Variants in SEMA7A observed in about 807,000 individuals in gnomAD.
The protein encoded by SEMA7A is semaphorin 7A (JohnMiltonHagen blood group).
In SEMA7A, 21 loss-of-function variants were observed where a neutral mutation model predicts 67.5. The ratio of observed to expected loss-of-function variants is 0.31; its 90% CI spans 0.22 to 0.45. The LOEUF (loss-of-function observed/expected upper bound fraction) is 0.45, where lower values mean the gene tolerates loss of function less well. Ranked by LOEUF, SEMA7A falls within the 20% of genes least tolerant of loss-of-function variation. SEMA7A has a pLI of 1.00. For synonymous variants in SEMA7A, 364 were observed against 368.5 expected (o/e 0.99, Z 0.14); for missense variants, 774 against 908.6 (o/e 0.85, Z 1.90).
Position 74,414,566 on chromosome 15 carries a change from A to C in SEMA7A, c.1275T>G (p.His425Gln), listed in dbSNP as rs756177714. Residue 425 changes from histidine to glutamine, a missense_variant, in exon 10 of 14, where the codon CAT becomes CAG. Transcript: ENST00000261918. The surrounding 1 kb of genome is among the most constrained non-coding windows in gnomAD (Gnocchi z 4.1). ...TCTCACCTGTAGTTAGGTAAAGCAC[A>C]TGAAAGGTCTCCCCGTGGCTGGCTT... ...RMQASHGETF[H>Q]VLYLTTDRGT... The C allele has an allele frequency of 6.2e-7, 1 of 1,614,120 alleles. No individual in the cohort carries two copies.
At chr15:74,412,246 C>T (rs971450422) in intron 10 of SEMA7A, among the ~76,000 whole-genome samples, 9 of 152,190 alleles carry the variant, frequency 5.9e-5, no homozygotes, top group African/African-American at 1.7e-4. Flanking sequence ...TCCCTGGATA[C>T]GGCCTCCAAC....
chr15:74,419,179 G>A (rs1045323762), intron 1 of SEMA7A, among the ~76,000 whole-genome samples: 11 of 152,178 alleles, frequency 7.2e-5, no homozygotes, highest in Admixed American at 1.3e-4. Flanking sequence ...CCCACAGCAC[G>A]GCCCCTCCCC....
At chr15:74,418,473 A>G (rs1354113617) in intron 2 of SEMA7A, among the ~76,000 whole-genome samples, 164 bp from the exon 3 acceptor site, 1 of 152,208 alleles carries the variant, frequency 6.6e-6, no homozygotes, top group Non-Finnish European at 1.5e-5. Flanking sequence ...CCTGAGGTCA[A>G]ACAGGGTCTC....
At chr15:74,421,740 T>C (rs1020801234) in intron 1 of SEMA7A, among the ~76,000 whole-genome samples, 1 of 152,104 alleles carries the variant, frequency 6.6e-6, no homozygotes, top group Non-Finnish European at 1.5e-5. Context: ...GAAGCTTTGT[T>C]CAGGTTGGCA....
intron 7 of SEMA7A, 30 bp downstream of exon 7, chr15:74,416,545 G>A (rs375784064): frequency 2.6e-5 from 42 of 1,609,142 alleles, no homozygotes; most frequent in African/African-American, 1.2e-4. Flanking sequence ...GCACAGACAC[G>A]TAGCCAGCAG....
intron 1 of SEMA7A, among the ~76,000 whole-genome samples, chr15:74,426,136 A>G (rs921437115): frequency 1.3e-5 from 2 of 152,150 alleles, no homozygotes; most frequent in Admixed American, 1.3e-4. Flanking sequence ...TTAGCCAGAC[A>G]TGGTGGTGTG....
chr15:74,416,832 G>A, intron 6 of SEMA7A, 118 bp from the exon 7 acceptor site: 1 of 1,144,502 alleles, frequency 8.7e-7, no homozygotes, highest in Non-Finnish European at 1.3e-6. Context: ...AATCAGATCT[G>A]GAATAGGACT....
At chr15:74,429,701 T>G (rs950806647) in intron 1 of SEMA7A, among the ~76,000 whole-genome samples, 27 of 152,164 alleles carry the variant, frequency 1.8e-4, no homozygotes, top group African/African-American at 6.5e-4. Flanking sequence ...ATGACAGGTA[T>G]CCCCTCACCT....
At chr15:74,415,030 G>T in intron 8 of SEMA7A, 84 bp from the exon 9 acceptor site, 1 of 1,081,826 alleles carries the variant, frequency 9.2e-7, no homozygotes. Context: ...CTTGTGCCTG[G>T]CACTGAGTTG....
chr15:74,424,664 G>T (rs1393940594), intron 1 of SEMA7A, among the ~76,000 whole-genome samples: 1 of 152,230 alleles, frequency 6.6e-6, no homozygotes, highest in Non-Finnish European at 1.5e-5. Flanking sequence ...AAGGGACAGT[G>T]TGGAAAGCAA....
intron 1 of SEMA7A, among the ~76,000 whole-genome samples, chr15:74,427,616 ACT>A (rs1024053857): frequency 2.0e-5 from 3 of 151,894 alleles, no homozygotes; most frequent in African/African-American, 7.3e-5. Context: ...CAGGCGTGAG[ACT>A]CTGTACAAAC....
Position 74,433,887 on chromosome 15 carries a change from G to C in SEMA7A, c.32C>G (p.Pro11Arg). Residue 11 changes from proline (P) to arginine (R), a missense_variant, in exon 1 of 14, where the codon CCC (proline) becomes CGC (arginine). By Grantham distance (103) the Pro-to-Arg change is moderately radical. Transcript: ENST00000261918. MTPPPPGRAAPSAPRARVPGP... is the reference protein window; with the variant it reads MTPPPPGRAARSAPRARVPGP... ...AGGGACGCGGGCGCGCGGTGCGCTG[G>C]GGGCGGCACGTCCGGGCGGAGGAGG... 7.9e-7 allele frequency: 1 copy of C among 1,267,114 alleles called. No homozygotes were observed. The highest frequency in any genetic ancestry group is 9.9e-7 in the Non-Finnish European group (1 of 1,011,572). The allele number at this position is 1,267,114 out of a possible 1,614,324, so 78.5% of individuals were successfully genotyped here.
At chr15:74,431,255 G>C (rs552855604) in intron 1 of SEMA7A, among the ~76,000 whole-genome samples, 2 of 152,132 alleles carry the variant, frequency 1.3e-5, no homozygotes, top group Non-Finnish European at 2.9e-5. Flanking sequence ...CAGGCTCTAA[G>C]GGTCAAAGAC....
chr15:74,416,048 G>A, intron 7 of SEMA7A, 63 bp from the exon 8 acceptor site: 1 of 1,513,970 alleles, frequency 6.6e-7, no homozygotes, highest in Non-Finnish European at 9.1e-7. Context: ...ACACACCCCA[G>A]GAAACCACTG....
rs2060966548 is a variant in SEMA7A at position 74,417,957 on chromosome 15, A to C, written c.385T>G (p.Tyr129Asp). 3 of 1,613,184 alleles carry C rather than the reference A, an allele frequency of 1.9e-6. No individual in the cohort carries two copies. Among genetic ancestry groups the C allele is most frequent in the Non-Finnish European group, 2.5e-6 (3 of 1,179,986 alleles). The change falls in exon 4 of 14, where the codon TAC becomes GAC. Residue 129 changes from tyrosine to aspartate, a missense_variant. Physicochemically the swap from Tyr to Asp is radical, Grantham distance 160 (BLOSUM62 -3). Coordinates refer to ENST00000261918, the MANE Select transcript of SEMA7A (RefSeq NM_003612.5). ...SCLDKRDCEN[Y>D]ITLLERRSEG... is the part of the protein sequence containing the mutation. ...CTCCGCCTCTCCAGGAGAGTGATGTAGTTCTCGCAGTCCTGCCCGGGGAAG... is the reference window on the plus strand; with the variant it reads ...CTCCGCCTCTCCAGGAGAGTGATGTCGTTCTCGCAGTCCTGCCCGGGGAAG...
intron 7 of SEMA7A, 109 bp downstream of exon 7, chr15:74,416,466 C>T: frequency 5.0e-6 from 6 of 1,205,230 alleles, no homozygotes; most frequent in Non-Finnish European, 7.1e-6. Flanking sequence ...CACAGACCCA[C>T]TCATACATCC....
intron 4 of SEMA7A, 56 bp downstream of exon 4, chr15:74,417,821 G>A: frequency 6.3e-7 from 1 of 1,581,462 alleles, no homozygotes; most frequent in Non-Finnish European, 8.7e-7. Context: ...ATGAGGGGCA[G>A]AAGCCCACGC....
intron 1 of SEMA7A, among the ~76,000 whole-genome samples, chr15:74,419,286 C>T (rs533890685): frequency 4.5e-4 from 69 of 152,304 alleles, no homozygotes; most frequent in Non-Finnish European, 7.8e-4. Context: ...TCCTCTGGCA[C>T]ACACTTTTGA....
At chr15:74,418,738 C>T (rs1313326827) in intron 2 of SEMA7A, 63 bp downstream of exon 2, 7 of 1,570,400 alleles carry the variant, frequency 4.5e-6, no homozygotes, top group South Asian at 1.2e-5. Context: ...CCTGAGGACC[C>T]TTGGCAGGGC....
Sources: allele counts gnomAD v4.1 joint callset (sites outside exome capture counted in the v4.1 genomes callset), GRCh38; gene constraint gnomAD v4.1.1; non-coding constraint Gnocchi (gnomAD v3.1); transcripts MANE v1.5; gene names NCBI Gene and HGNC (gene_info 2026-07-23, HGNC 2026-07-21).